Variants in CERKL observed in about 807,000 individuals in gnomAD.
CERKL encodes the protein ceramide kinase-like protein.
In CERKL, 61 loss-of-function variants were observed where a neutral mutation model predicts 63.4. The observed-to-expected ratio is 0.96, with a 90% CI of 0.78 to 1.19. The LOEUF (loss-of-function observed/expected upper bound fraction) is 1.19, where lower values mean the gene tolerates loss of function less well. Among genes scored for constraint, CERKL ranks in the 50% most tolerant of loss-of-function variants. The pLI is 0.00. For missense variants in CERKL, 675 were observed against 655.5 expected (o/e 1.03, Z -0.33); for synonymous variants, 250 against 230.5 (o/e 1.08, Z -0.77).
chr2:181,537,728 T>A lies in CERKL; in HGVS notation c.*456A>T, dbSNP rs1687228112. The A allele has an allele frequency of 2.3e-6, 1 of 440,118 alleles. No individual in the cohort carries two copies. The highest frequency in any genetic ancestry group is 2.4e-5 in the Admixed American group (1 of 41,006). 27.3% of individuals were successfully genotyped at this position (440,118 alleles called of 1,614,324 possible). A position where few individuals can be genotyped will look rare whatever the true frequency, so the allele number is the denominator to read the frequency against. ...TTGCAAAGTTTTTTTGTGTGTCCAA[T>A]AAACACATTGTAAAAAAAAGAATTT... On this transcript the variant is annotated 3_prime_UTR_variant, in exon 13 of 13. Coordinates refer to ENST00000410087, the MANE Select transcript of CERKL (RefSeq NM_201548.5).
chr2:181,595,388 A>C (rs1357176451), intron 2 of CERKL, among the ~76,000 whole-genome samples: 1 of 105,014 alleles, frequency 9.5e-6, no homozygotes, highest in Admixed American at 9.3e-5. Flanking sequence ...AAGAGTTTGG[A>C]GTTCTGAATC....
chr2:181,542,003 TC>T (rs961390864), intron 11 of CERKL, among the ~76,000 whole-genome samples: 3 of 152,084 alleles, frequency 2.0e-5, no homozygotes, highest in African/African-American at 7.2e-5. Context: ...TGCATGATGT[TC>T]AGACAGTTCA....
intron 3 of CERKL, among the ~76,000 whole-genome samples, chr2:181,572,222 A>T (rs950326255): frequency 6.6e-6 from 1 of 151,986 alleles, no homozygotes; most frequent in African/African-American, 2.4e-5. Flanking sequence ...GCTTTTCTTG[A>T]ATCTTCCGAT....
intron 1 of CERKL, among the ~76,000 whole-genome samples, chr2:181,610,234 T>C (rs951095676): frequency 1.3e-5 from 2 of 152,146 alleles, no homozygotes; most frequent in Admixed American, 6.5e-5. Context: ...AATTGACCAA[T>C]GAACAAATGA....
Position 181,536,757 on chromosome 2 carries a change from T to TA in CERKL, c.*1426_*1427insT. 4.1e-6 allele frequency: 1 copy of TA among 246,700 alleles called. No homozygotes were observed. The highest frequency in any genetic ancestry group is 8.2e-6 in the Non-Finnish European group (1 of 122,430). The allele number at this position is 246,700 out of a possible 1,614,324, so 15.3% of individuals were successfully genotyped here. A position where few individuals can be genotyped will look rare whatever the true frequency, so the allele number is the denominator to read the frequency against. On this transcript the variant is annotated 3_prime_UTR_variant, in exon 13 of 13. Coordinates refer to ENST00000410087, the MANE Select transcript of CERKL (RefSeq NM_201548.5). ...ATGACTTTCTGGATTTTAAAAAATT[T>TA]CTTTAAATACAATCATTTTTGTAAT...
intron 5 of CERKL, among the ~76,000 whole-genome samples, chr2:181,554,086 A>T (rs1419582316): frequency 6.6e-6 from 1 of 151,768 alleles, no homozygotes; most frequent in Non-Finnish European, 1.5e-5. Flanking sequence ...AAAATGTTCC[A>T]AATACAAAAA....
rs977850581 is a variant in CERKL, at chr2:181,537,697, T to C, written c.*487A>G. Reference sequence around the variant, plus strand: ...ATCTAGGTTAAATATTGATGTATTATGATGGTTGCAAAGTTTTTTTGTGTG... The same window carrying C: ...ATCTAGGTTAAATATTGATGTATTACGATGGTTGCAAAGTTTTTTTGTGTG... On this transcript the variant is annotated 3_prime_UTR_variant, in exon 13 of 13. Transcript: ENST00000410087. 1 of 428,358 alleles carries C rather than the reference T, an allele frequency of 2.3e-6. No homozygotes were observed. The highest frequency in any genetic ancestry group is 7.1e-5 in the East Asian group (1 of 14,004). The allele number at this position is 428,358 out of a possible 1,614,324, so 26.5% of individuals were successfully genotyped here.
intron 2 of CERKL, among the ~76,000 whole-genome samples, chr2:181,588,347 G>A (rs1022634233): frequency 6.6e-6 from 1 of 152,018 alleles, no homozygotes; most frequent in African/African-American, 2.4e-5. Flanking sequence ...AAGATCATGT[G>A]GTATTTTTCT....
intron 1 of CERKL, among the ~76,000 whole-genome samples, chr2:181,629,561 A>T (rs1292396418): frequency 6.6e-6 from 1 of 152,108 alleles, no homozygotes; most frequent in Non-Finnish European, 1.5e-5. Flanking sequence ...GTACCAAAAT[A>T]TGAAATAAAC....
intron 1 of CERKL, among the ~76,000 whole-genome samples, chr2:181,641,047 G>T (rs536540480): frequency 1.3e-5 from 2 of 152,118 alleles, no homozygotes; most frequent in South Asian, 2.1e-4. Context: ...GTCTCCAGAC[G>T]TTCACAGGGT....
chr2:181,573,485 T>A lies in CERKL; in HGVS notation c.613+268A>T, dbSNP rs887854127. On this transcript the variant is annotated intron_variant, in intron 3 of 12. Coordinates refer to ENST00000410087, the MANE Select transcript of CERKL (RefSeq NM_201548.5). ...ATCTCCATGAAGATGTAAACAAGTA[T>A]ACAGCTTCCTTTGTAATTATATCTA... 7.2e-5 allele frequency among the ~76,000 whole-genome samples: 11 copies of A among 152,184 alleles called. 1 individual carries two copies. The highest frequency in any genetic ancestry group is 2.2e-4 in the African/African-American group (9 of 41,454).
chr2:181,642,209 T>C (rs1053085141), intron 1 of CERKL, among the ~76,000 whole-genome samples: 20 of 152,220 alleles, frequency 1.3e-4, no homozygotes, highest in Non-Finnish European at 2.8e-4. Flanking sequence ...CCTTCAATAA[T>C]TCACATGAGT....
At chr2:181,548,236 G>GGAAAGGGAAAAGGAAA (rs1687820429) in intron 8 of CERKL, 2 of 505,314 alleles carry the variant, frequency 4.0e-6, no homozygotes, top group South Asian at 5.2e-5. Flanking sequence ...AAAAGAAAAG[G>GGAAAGGGAAAAGGAAA]GAAAGGGAAA....
At chr2:181,562,403 G>C (rs1020401529) in intron 4 of CERKL, among the ~76,000 whole-genome samples, 1 of 152,070 alleles carries the variant, frequency 6.6e-6, no homozygotes, top group African/African-American at 2.4e-5. Context: ...CCCCCCTGGG[G>C]TTATCATAGG....
rs200204457 is a variant in CERKL, at chr2:181,539,072, G to A, written c.1538+20C>T. ...TTATGTTTACTGGTTGACAATAAGC[G>A]GTGAAATAAATAGACTTACCTAATA... On this transcript the variant is annotated intron_variant, in intron 12 of 12. Transcript: ENST00000410087. 5.8e-4 allele frequency: 864 copies of A among 1,490,078 alleles called. 2 individuals carry two copies. Among genetic ancestry groups the A allele is most frequent in the East Asian group, 7.5e-4 (33 of 44,144 alleles). 92.3% of individuals were successfully genotyped at this position (1,490,078 alleles called of 1,614,324 possible).
chr2:181,642,599 T>C lies in CERKL; in HGVS notation c.238+14170A>G, dbSNP rs1453544912. Among the ~76,000 whole-genome samples, 15 of 152,212 alleles carry C rather than the reference T, an allele frequency of 9.9e-5. 1 individual carries two copies. The highest frequency in any genetic ancestry group is 9.2e-4 in the Admixed American group (14 of 15,280). ...CCTTCTCAGATTTTCTAGTCACTGC[T>C]CTAATTCAGCTGAGCTCTGAGTTGT... is the stretch of plus-strand genomic sequence containing the variant. On this transcript the variant is annotated intron_variant, in intron 1 of 12. Transcript: ENST00000410087.
intron 1 of CERKL, among the ~76,000 whole-genome samples, chr2:181,625,542 C>T (rs1458863895): frequency 6.6e-6 from 1 of 152,134 alleles, no homozygotes; most frequent in East Asian, 1.9e-4. Flanking sequence ...ACCTCATTAT[C>T]AAAGTTTATC....
chr2:181,604,920 ATAAT>A (rs1574490642), intron 1 of CERKL, among the ~76,000 whole-genome samples: 1 of 152,224 alleles, frequency 6.6e-6, no homozygotes, highest in Non-Finnish European at 1.5e-5. Context: ...AGGTCAGAAA[ATAAT>A]TATTGTGGAA....
intron 10 of CERKL, among the ~76,000 whole-genome samples, chr2:181,546,555 T>C (rs1324149343): frequency 6.6e-6 from 1 of 152,226 alleles, no homozygotes; most frequent in Non-Finnish European, 1.5e-5. Flanking sequence ...GGGTTTTCAA[T>C]ATCGAAGTTT....
Sources: allele counts gnomAD v4.1 joint callset (sites outside exome capture counted in the v4.1 genomes callset), GRCh38; gene constraint gnomAD v4.1.1; transcripts MANE v1.5; gene names NCBI Gene and HGNC (gene_info 2026-07-23, HGNC 2026-07-21).